PLPP3: variants seen among roughly 807,000 people sequenced by gnomAD.
The protein encoded by PLPP3 is PAP2 beta.
A neutral mutation model predicts 29.6 loss-of-function variants in PLPP3; 6 were observed. The observed-to-expected ratio is 0.20, with a 90% confidence interval of 0.11 to 0.40. The LOEUF (loss-of-function observed/expected upper bound fraction) is 0.40. Among genes scored for constraint, PLPP3 ranks in the 10% least tolerant of loss-of-function variants. PLPP3 has a pLI of 1.00. For synonymous variants in PLPP3, 152 were observed against 159.7 expected (o/e 0.95, Z 0.36); for missense variants, 308 against 407.7 (o/e 0.76, Z 2.11).
intron 2 of PLPP3, among the ~76,000 whole-genome samples, chr1:56,526,802 C>T (rs1645855833): frequency 6.6e-6 from 1 of 152,176 alleles, no homozygotes; most frequent in Non-Finnish European, 1.5e-5. Context: ...GCCAACCAAG[C>T]ACAGGTAATA....
intron 5 of PLPP3, among the ~76,000 whole-genome samples, chr1:56,504,353 G>C (rs1645687822): frequency 6.6e-6 from 1 of 152,136 alleles, no homozygotes; most frequent in Admixed American, 6.5e-5. Flanking sequence ...TCTATGCCAA[G>C]GAACCTTCCA....
chr1:56,567,938 C>A (rs1457860951), intron 1 of PLPP3, among the ~76,000 whole-genome samples: 2 of 152,108 alleles, frequency 1.3e-5, no homozygotes, highest in African/African-American at 4.8e-5. Context: ...GTTATGTCTA[C>A]ATAATGGAAT....
chr1:56,575,012 G>A (rs1035752469), intron 1 of PLPP3, among the ~76,000 whole-genome samples: 1 of 152,160 alleles, frequency 6.6e-6, no homozygotes, highest in Non-Finnish European at 1.5e-5. Flanking sequence ...AGACTATAAT[G>A]ACTGTCTCTA....
intron 5 of PLPP3, among the ~76,000 whole-genome samples, chr1:56,502,710 T>A (rs929551423): frequency 1.6e-4 from 25 of 152,188 alleles, no homozygotes; most frequent in African/African-American, 5.8e-4. Context: ...TAACCTTCCA[T>A]CTTAGTGTTA....
rs560118416 is a variant in PLPP3 at position 56,496,785 on chromosome 1, T to G, written c.811-109A>C. 2.1e-5 allele frequency: 24 copies of G among 1,149,652 alleles called. No individual in the cohort carries two copies. The South Asian group carries it at 3.2e-4, about 15-fold the overall frequency. The allele number at this position is 1,149,652 out of a possible 1,614,324, so 71.2% of individuals were successfully genotyped here. A position where few individuals can be genotyped will look rare whatever the true frequency, so the allele number is the denominator to read the frequency against. On this transcript the variant is annotated intron_variant, in intron 5 of 5. Coordinates refer to ENST00000371250, the MANE Select transcript of PLPP3 (RefSeq NM_003713.5). ...AGACTTCAGGAAAAGGGGCCCCAAA[T>G]CATAACTCTTTGAATAGGGAAGGAC...
At chr1:56,502,218 T>C (rs896693371) in intron 5 of PLPP3, among the ~76,000 whole-genome samples, 3 of 152,236 alleles carry the variant, frequency 2.0e-5, no homozygotes, top group African/African-American at 4.8e-5. Context: ...AAAATTATCC[T>C]TTAAATGTTC....
At chr1:56,572,529 C>T (rs1481201096) in intron 1 of PLPP3, among the ~76,000 whole-genome samples, 2 of 152,146 alleles carry the variant, frequency 1.3e-5, no homozygotes, top group Non-Finnish European at 2.9e-5. Flanking sequence ...ATGCAACCAC[C>T]AAAGCCTATT....
At chr1:56,541,898 C>T (rs35281924) in intron 1 of PLPP3, among the ~76,000 whole-genome samples, 10,024 of 149,536 alleles carry the variant, frequency 0.067, 369 homozygotes, top group Non-Finnish European at 0.087. Flanking sequence ...AAACTCTGAA[C>T]GCAATAGCCT....
intron 1 of PLPP3, chr1:56,538,465 A>T: frequency 2.2e-6 from 1 of 451,446 alleles, no homozygotes; most frequent in Non-Finnish European, 4.4e-6. Flanking sequence ...ACAAACACAA[A>T]GGGAAAGAGG....
chr1:56,533,081 G>T (rs1645901321), intron 2 of PLPP3, among the ~76,000 whole-genome samples: 1 of 151,114 alleles, frequency 6.6e-6, no homozygotes, highest in East Asian at 1.9e-4. Context: ...TTGATACGTG[G>T]TCTCATCCTG....
chr1:56,577,657 A>C (rs1646244878), intron 1 of PLPP3, among the ~76,000 whole-genome samples: 1 of 152,190 alleles, frequency 6.6e-6, no homozygotes, highest in Non-Finnish European at 1.5e-5. Context: ...AGGGGACTTA[A>C]GTCTGTGCAG....
In PLPP3 at chr1:56,496,556, T is replaced by C. The variant is rs2100213879; in HGVS notation, c.931A>G (p.Met311Val). 1.2e-6 allele frequency: 2 copies of C among 1,613,950 alleles called. No homozygotes were observed. The highest frequency in any genetic ancestry group is 1.7e-6 in the Non-Finnish European group (2 of 1,179,910). The stretch of plus-strand genomic sequence containing the variant: ...GCTCAGGAGGTGGGTGGCACCTACA[T>C]CATGTTGTGGTGATTGTTCCTGTCA... ...IIDRNNHHNM[M>V] The change falls in exon 6 of 6, where the codon ATG becomes GTG. Residue 311 changes from methionine (M) to valine (V), a missense_variant. This residue lies in a region of PLPP3 where 232 missense variants were observed against 317.2 expected (regional missense o/e 0.73). Transcript: ENST00000371250.
rs1002015278 is a variant in PLPP3, at chr1:56,524,206, T to G, written c.575+71A>C. On this transcript the variant is annotated intron_variant, in intron 3 of 5. Transcript: ENST00000371250. This position sits in a 1 kb window ranked among gnomAD's most constrained non-coding sequence, Gnocchi z 4.3. ...TCACCCATCTAAACCAGGGCCCAGC[T>G]AGTAAGTGCTCACTGAACTGCACTG... The G allele has an allele frequency of 6.4e-7, 1 of 1,556,122 alleles. No individual in the cohort carries two copies. Among genetic ancestry groups the G allele is most frequent in the Non-Finnish European group, 8.8e-7 (1 of 1,141,956 alleles).
intron 4 of PLPP3, among the ~76,000 whole-genome samples, chr1:56,520,976 G>A (rs1453281530): frequency 6.8e-6 from 1 of 147,884 alleles, no homozygotes; most frequent in African/African-American, 2.5e-5. Flanking sequence ...GCTCACATCT[G>A]TAGTCCCAGC....
intron 4 of PLPP3, among the ~76,000 whole-genome samples, chr1:56,515,733 G>C (rs1377789388): frequency 6.6e-6 from 1 of 152,156 alleles, no homozygotes; most frequent in Admixed American, 6.5e-5. Flanking sequence ...CACTGATCCT[G>C]GTGTCTGCAG....
chr1:56,497,093 G>A (rs1265383965), intron 5 of PLPP3, among the ~76,000 whole-genome samples: 9 of 152,188 alleles, frequency 5.9e-5, no homozygotes, highest in Non-Finnish European at 1.2e-4. Flanking sequence ...GGGTGTAACC[G>A]AAAAAGATCA....
At chr1:56,529,971 T>C (rs1167537268) in intron 2 of PLPP3, among the ~76,000 whole-genome samples, 1 of 151,960 alleles carries the variant, frequency 6.6e-6, no homozygotes, top group Non-Finnish European at 1.5e-5. Flanking sequence ...AAGAAGAGAG[T>C]CTGAGGCATA....
chr1:56,548,570 A>G (rs1227267467), intron 1 of PLPP3, among the ~76,000 whole-genome samples: 3 of 152,200 alleles, frequency 2.0e-5, no homozygotes, highest in Non-Finnish European at 2.9e-5. Context: ...GTGGCAAGAA[A>G]ATGAGGGAGA....
chr1:56,527,027 A>G (rs1645856809), intron 2 of PLPP3, among the ~76,000 whole-genome samples: 1 of 152,208 alleles, frequency 6.6e-6, no homozygotes, highest in South Asian at 2.1e-4. Context: ...TGAGTTTCCA[A>G]TGCAAATTAG....
Sources: allele counts gnomAD v4.1 joint callset (sites outside exome capture counted in the v4.1 genomes callset), GRCh38; gene constraint gnomAD v4.1.1; regional missense constraint gnomAD v4.1.1; non-coding constraint Gnocchi (gnomAD v3.1); transcripts MANE v1.5; gene names NCBI Gene and HGNC (gene_info 2026-07-23, HGNC 2026-07-21).